Variants in POTEE observed in about 807,000 individuals in gnomAD.
POTEE encodes POTE ankyrin domain family member E, also known as ANKRD26-like family C member 1A.
A neutral mutation model predicts 74.2 loss-of-function variants in POTEE; 21 were observed. The ratio of observed to expected loss-of-function variants is 0.28; its 90% CI spans 0.20 to 0.41. The LOEUF is 0.41. Among genes scored for constraint, POTEE ranks in the 10% least tolerant of loss-of-function variants. POTEE has a pLI of 1.00. For synonymous variants in POTEE, 211 were observed against 432.8 expected, an observed-to-expected ratio of 0.49 and a Z score of 6.36; for missense variants, 525 against 1,158.6, an observed-to-expected ratio of 0.45 and a Z score of 7.94.
At chr2:131,221,311 T>C (rs1700609795) in intron 4 of POTEE, among the ~76,000 whole-genome samples, 1 of 152,126 alleles carries the variant, frequency 6.6e-6, no homozygotes, top group Non-Finnish European at 1.5e-5. Context: ...TACAGAGATA[T>C]GTCGACATGC....
intron 1 of POTEE, among the ~76,000 whole-genome samples, chr2:131,210,609 C>G (rs1700337277): frequency 6.6e-6 from 1 of 151,974 alleles, no homozygotes; most frequent in Admixed American, 6.5e-5. Context: ...GTTCTCCGGC[C>G]TGCACCTCCC....
chr2:131,248,977 GAAGT>G (rs1483343488), intron 13 of POTEE, among the ~76,000 whole-genome samples: 1 of 151,692 alleles, frequency 6.6e-6, no homozygotes, highest in East Asian at 1.9e-4. Flanking sequence ...ATAATGAAAA[GAAGT>G]AAGAGAAAGA....
intron 9 of POTEE, among the ~76,000 whole-genome samples, chr2:131,232,011 C>T (rs1317616220): frequency 2.0e-5 from 3 of 152,060 alleles, no homozygotes; most frequent in African/African-American, 7.3e-5. Flanking sequence ...TGTGGTTTTT[C>T]AACAGAATTT....
intron 2 of POTEE, among the ~76,000 whole-genome samples, chr2:131,215,988 T>C (rs1388407751): frequency 6.6e-6 from 1 of 151,878 alleles, no homozygotes; most frequent in Non-Finnish European, 1.5e-5. Flanking sequence ...TGATAAACAC[T>C]ATATTCAATA....
At chr2:131,223,446 T>C in intron 4 of POTEE, 150 bp from the exon 5 acceptor site, 1 of 937,914 alleles carries the variant, frequency 1.1e-6, no homozygotes, top group South Asian at 1.7e-5. Flanking sequence ...TGAGAGATAA[T>C]AAATAGTGTG....
chr2:131,217,893 C>T (rs1429501296), intron 3 of POTEE, among the ~76,000 whole-genome samples: 7 of 149,288 alleles, frequency 4.7e-5, no homozygotes, highest in South Asian at 2.1e-4. Flanking sequence ...ACGCCGCACG[C>T]GCGTAACGGC....
chr2:131,225,748 A>C (rs1001435759), intron 6 of POTEE, among the ~76,000 whole-genome samples: 2 of 145,382 alleles, frequency 1.4e-5, no homozygotes. Context: ...CTGGTCTTGA[A>C]CTCCTGGGCT....
chr2:131,225,831 T>G (rs1700768170), intron 6 of POTEE, among the ~76,000 whole-genome samples: 1 of 152,120 alleles, frequency 6.6e-6, no homozygotes, highest in South Asian at 2.1e-4. Context: ...TGACCTAGTC[T>G]GACTTTTATC....
intron 8 of POTEE, 143 bp downstream of exon 8, chr2:131,228,524 C>T (rs576609914): frequency 2.2e-6 from 3 of 1,390,440 alleles, no homozygotes; most frequent in African/African-American, 3.1e-5. Context: ...CCTGCATCAG[C>T]CAGAAATCAG....
At chr2:131,212,734 T>G (rs1700384111) in intron 2 of POTEE, among the ~76,000 whole-genome samples, 1 of 150,404 alleles carries the variant, frequency 6.6e-6, no homozygotes, top group Non-Finnish European at 1.5e-5. Flanking sequence ...CCAGCTAACT[T>G]TGTGTTTTTA....
At chr2:131,209,881 C>A (rs1700318663) in intron 1 of POTEE, among the ~76,000 whole-genome samples, 62 bp downstream of exon 1, 1 of 151,370 alleles carries the variant, frequency 6.6e-6, no homozygotes. Flanking sequence ...CCTATTGGGG[C>A]TCACTGCCCG....
rs1701089957 is a variant in POTEE, at chr2:131,235,210, C to G, written c.1127-1522C>G. Among the ~76,000 whole-genome samples, 10 of 149,392 alleles carry G rather than the reference C, an allele frequency of 6.7e-5. No homozygotes were observed. In the South Asian group the frequency reaches 2.1e-3, roughly 32 times the overall value. On this transcript the variant is annotated intron_variant, in intron 9 of 17. Transcript: ENST00000683005. ...TGGGCATGTTTTCTAGAAAAGCCAT[C>G]CCTGACATGCTTTATTTTAATTGTT...
intron 13 of POTEE, among the ~76,000 whole-genome samples, chr2:131,248,908 T>C (rs1241479213): frequency 6.6e-6 from 1 of 152,274 alleles, no homozygotes; most frequent in Non-Finnish European, 1.5e-5. Flanking sequence ...TTCTGCAAAA[T>C]GTGCTTTGTG....
At chr2:131,220,709 C>T (rs1700592484) in intron 4 of POTEE, among the ~76,000 whole-genome samples, 1 of 151,750 alleles carries the variant, frequency 6.6e-6, no homozygotes, top group Non-Finnish European at 1.5e-5. Context: ...CGCCCGTTAC[C>T]CCAGCACTTT....
chr2:131,220,683 C>T (rs1394755701), intron 4 of POTEE, among the ~76,000 whole-genome samples: 1 of 152,044 alleles, frequency 6.6e-6, no homozygotes. Flanking sequence ...AATGAAAGGC[C>T]GGGTACAGTG....
chr2:131,211,227 G>C (rs1275267217), intron 2 of POTEE, among the ~76,000 whole-genome samples, 44 bp downstream of exon 2: 6 of 151,918 alleles, frequency 3.9e-5, no homozygotes, highest in Non-Finnish European at 7.4e-5. Flanking sequence ...AACCTTGTAG[G>C]GTGGGCTGCT....
rs1700345412 is a variant in POTEE, at chr2:131,211,052, C to T, written c.-320C>T. Reference sequence around the variant, plus strand: ...GGCTTTTCTGGCTTTGCCGGTCTAGCTGCTCCAAGCCAGGCTGGAGGAGGA... The same window carrying T: ...GGCTTTTCTGGCTTTGCCGGTCTAGTTGCTCCAAGCCAGGCTGGAGGAGGA... On this transcript the variant is annotated 5_prime_UTR_variant, in exon 2 of 18. Transcript: ENST00000683005. 2.7e-5 allele frequency among the ~76,000 whole-genome samples: 4 copies of T among 150,788 alleles called. No individual in the cohort carries two copies. In the South Asian group the frequency reaches 8.3e-4, roughly 31 times the overall value.
rs775978180 is a variant in POTEE, at chr2:131,209,600, C to T, written c.-564C>T. Among the ~76,000 whole-genome samples the T allele has an allele frequency of 2.6e-5, 4 of 152,186 alleles. No homozygotes were observed. The highest frequency in any genetic ancestry group is 1.3e-4 in the Admixed American group (2 of 15,286). On this transcript the variant is annotated 5_prime_UTR_variant, in exon 1 of 18. Transcript: ENST00000683005. Reference sequence around the variant, plus strand: ...GGCTGCTACCTGTTTCTGGCTGGAGCCTCGGACACTGGCTCACTGCAGTTG... The same window carrying T: ...GGCTGCTACCTGTTTCTGGCTGGAGTCTCGGACACTGGCTCACTGCAGTTG...
At chr2:131,220,789 ATC>A (rs1330276961) in intron 4 of POTEE, among the ~76,000 whole-genome samples, 1 of 151,798 alleles carries the variant, frequency 6.6e-6, no homozygotes, top group East Asian at 2.0e-4. Flanking sequence ...GTGAAATCCC[ATC>A]TCTACTAAAA....
Sources: allele counts gnomAD v4.1 joint callset (sites outside exome capture counted in the v4.1 genomes callset), GRCh38; gene constraint gnomAD v4.1.1; transcripts MANE v1.5; gene names NCBI Gene and HGNC (gene_info 2026-07-23, HGNC 2026-07-21).